Variants in USP19 observed in about 807,000 individuals in gnomAD.
The protein encoded by USP19 is ubiquitin carboxyl-terminal hydrolase 19.
A neutral mutation model predicts 144.8 loss-of-function variants in USP19; 40 were observed. The ratio of observed to expected loss-of-function variants is 0.28; its 90% confidence interval spans 0.21 to 0.36. USP19 has a LOEUF of 0.36. Ranked by LOEUF, USP19 falls within the 10% of genes least tolerant of loss-of-function variation. The pLI is 1.00. For synonymous variants in USP19, 701 were observed against 709.3 expected (o/e 0.99, Z 0.19); for missense variants, 1,518 against 1,822.5 (o/e 0.83, Z 3.04).
chr3:49,110,048 A>C lies in USP19; in HGVS notation c.4038+136T>G, dbSNP rs2042906202. ...TGCCTCTGGCTAAAGCTTTGATGTT[A>C]AGAGAACTCTGCAATTCTCATGAAT... On this transcript the variant is annotated intron_variant, in intron 26 of 26. Transcript: ENST00000417901. The surrounding 1 kb of genome is among the most constrained non-coding windows in gnomAD (Gnocchi z 6.1). 2.8e-6 allele frequency: 3 copies of C among 1,081,878 alleles called. No homozygotes were observed. In the African/African-American group the frequency reaches 4.8e-5, roughly 17 times the overall value. The allele number at this position is 1,081,878 out of a possible 1,614,324, so 67.0% of individuals were successfully genotyped here. A position where few individuals can be genotyped will look rare whatever the true frequency, so the allele number is the denominator to read the frequency against.
chr3:49,113,995 C>T lies in USP19; in HGVS notation c.2502G>A (p.Ala834=), dbSNP rs58998762. The T allele has an allele frequency of 9.8e-3, 15,887 of 1,614,030 alleles. 1,334 individuals are homozygous for T. In the African/African-American group the frequency reaches 0.19, roughly 19 times the overall value. ...GCCCAAGGAAGGACAAAGATACCTC[C>T]GCCAAACGCAGGTTCTCAGGCTTCA... ...VHVKPENLRL[A]EVIKNRFHRV... The change falls in exon 17 of 27, where the codon GCG becomes GCA. Residue 834 remains alanine, a synonymous_variant. Coordinates refer to ENST00000417901, the MANE Select transcript of USP19 (RefSeq NM_001199161.2).
chr3:49,114,779 C>T lies in USP19; in HGVS notation c.2276G>A (p.Cys759Tyr). The T allele has an allele frequency of 6.2e-7, 1 of 1,614,206 alleles. No homozygotes were observed. The change falls in exon 15 of 27, where the codon TGC (cysteine) becomes TAC (tyrosine). Residue 759 changes from cysteine to tyrosine, a missense_variant. By Grantham distance (194) the Cys-to-Tyr change is radical (BLOSUM62 -2). This residue lies in a region of USP19 where 158 missense variants were observed against 277.3 expected (regional missense o/e 0.57). Coordinates refer to ENST00000417901, the MANE Select transcript of USP19 (RefSeq NM_001199161.2). The surrounding 1 kb of genome is among the most constrained non-coding windows in gnomAD (Gnocchi z 4.5). ...CCATCACACCTTGGCACACACAGGG[C>T]ACACCAGCTTCGACTTGTACTGCCC... ...FQGQYKSKLVCPVCAKVSITF... is the reference protein window; with the variant it reads ...FQGQYKSKLVYPVCAKVSITF...
chr3:49,110,666 C>T lies in USP19; in HGVS notation c.3698+45G>A. The T allele has an allele frequency of 6.2e-7, 1 of 1,611,530 alleles. No individual in the cohort carries two copies. Among genetic ancestry groups the T allele is most frequent in the East Asian group, 2.2e-5 (1 of 44,854 alleles). ...GCAACAGGCGCTCAGGATGCCCATC[C>T]TGGTCCTCACACCCCACCCACAGTT... On this transcript the variant is annotated intron_variant, in intron 24 of 26. Transcript: ENST00000417901. This position sits in a 1 kb window ranked among gnomAD's most constrained non-coding sequence, Gnocchi z 6.1.
In USP19 at chr3:49,109,926, C is replaced by T. The variant is rs148788861; in HGVS notation, c.4038+258G>A. Reference sequence around the variant, plus strand: ...GCATAGTGCCCAGTGAGGTTCAGAGCAGTTGCCTGACCTGTGCCAAGTAGG... The same window carrying T: ...GCATAGTGCCCAGTGAGGTTCAGAGTAGTTGCCTGACCTGTGCCAAGTAGG... On this transcript the variant is annotated intron_variant, in intron 26 of 26. Transcript: ENST00000417901. 253 of 350,364 alleles carry T rather than the reference C, an allele frequency of 7.2e-4. 5 individuals carry two copies. In the East Asian group the frequency reaches 0.012, roughly 16 times the overall value. The allele number at this position is 350,364 out of a possible 1,614,324, so 21.7% of individuals were successfully genotyped here. A position where few individuals can be genotyped will look rare whatever the true frequency, so the allele number is the denominator to read the frequency against.
Position 49,116,669 on chromosome 3 carries a change from TC to T in USP19, c.1126+57del. On this transcript the variant is annotated intron_variant, in intron 7 of 26. Coordinates refer to ENST00000417901, the MANE Select transcript of USP19 (RefSeq NM_001199161.2). This position sits in a 1 kb window ranked among gnomAD's most constrained non-coding sequence, Gnocchi z 5.0. The stretch of plus-strand genomic sequence containing the variant: ...GGTTCCAGCCTATTGCTACTCTCTA[TC>T]CACCTACAAACTTTGCAACCCAACC... The T allele has an allele frequency of 6.2e-7, 1 of 1,610,106 alleles. No homozygotes were observed. Among genetic ancestry groups the T allele is most frequent in the South Asian group, 1.1e-5 (1 of 90,644 alleles).
In USP19 at chr3:49,114,163, T is replaced by G; in HGVS notation, c.2403+11A>C. 6.2e-7 allele frequency: 1 copy of G among 1,614,106 alleles called. No homozygotes were observed. Among genetic ancestry groups the G allele is most frequent in the Non-Finnish European group, 8.5e-7 (1 of 1,179,964 alleles). On this transcript the variant is annotated intron_variant, in intron 16 of 26. Transcript: ENST00000417901. This position sits in a 1 kb window ranked among gnomAD's most constrained non-coding sequence, Gnocchi z 4.5. ...CTAGAACAGCCCAGAGGGTAGGGGCTTACTCCTCACCTTGATGGGCTTGCT... is the reference window on the plus strand; with the variant it reads ...CTAGAACAGCCCAGAGGGTAGGGGCGTACTCCTCACCTTGATGGGCTTGCT...
chr3:49,115,927 T>G lies in USP19; in HGVS notation c.1489A>C (p.Lys497Gln). 1.9e-6 allele frequency: 3 copies of G among 1,560,314 alleles called. No individual in the cohort carries two copies. The highest frequency in any genetic ancestry group is 2.6e-6 in the Non-Finnish European group (3 of 1,154,726). The change falls in exon 11 of 27, where the codon AAG becomes CAG. Residue 497 changes from lysine to glutamine, a missense_variant. Physicochemically the swap from Lys to Gln is moderately conservative, Grantham distance 53 (BLOSUM62 1). This residue lies in a region of USP19 where 707 missense variants were observed against 728.9 expected (regional missense o/e 0.97). Coordinates refer to ENST00000417901, the MANE Select transcript of USP19 (RefSeq NM_001199161.2). This position sits in a 1 kb window ranked among gnomAD's most constrained non-coding sequence, Gnocchi z 6.6. ...GTTGGACCTGTCGGCACGGCAACCTTTGCACCACCCACTGCACCTTAAAAA... is the reference window on the plus strand; with the variant it reads ...GTTGGACCTGTCGGCACGGCAACCTGTGCACCACCCACTGCACCTTAAAAA... Reference protein sequence around the residue: ...PAARGAVGGAKVAVPTGPTPL... With the variant: ...PAARGAVGGAQVAVPTGPTPL...
chr3:49,119,466 T>C (rs1201357647), intron 1 of USP19, among the ~76,000 whole-genome samples, 185 bp from the exon 2 acceptor site: 2 of 152,238 alleles, frequency 1.3e-5, no homozygotes, highest in Non-Finnish European at 2.9e-5. Flanking sequence ...CAACCACTTC[T>C]GGCCAAGCCT....
At chr3:49,118,972 A>C (rs377079776) in intron 2 of USP19, 50 bp downstream of exon 2, 1 of 1,612,352 alleles carries the variant, frequency 6.2e-7, no homozygotes, top group African/African-American at 1.3e-5. Flanking sequence ...GTATACCAAT[A>C]AGATGGGAGG....
chr3:49,111,690 G>C lies in USP19; in HGVS notation c.3027C>G (p.Asp1009Glu). ...GCTGGAGCTCAGGTGGCTGAATGGG[G>C]TCTCTCTCGCTGTCCCCAGCCTCCA... ...GSLEAGDSERDPIQPPELQLV... is the reference protein window; with the variant it reads ...GSLEAGDSEREPIQPPELQLV... Residue 1009 changes from aspartate (D) to glutamate (E), a missense_variant, in exon 21 of 27, where the codon GAC becomes GAG. Transcript: ENST00000417901. This position sits in a 1 kb window ranked among gnomAD's most constrained non-coding sequence, Gnocchi z 5.9. The C allele has an allele frequency of 6.3e-7, 1 of 1,599,152 alleles. No homozygotes were observed.
rs773543643 is a variant in USP19 at position 49,112,353 on chromosome 3, C to T, written c.2696G>A (p.Arg899Gln). 26 of 1,613,864 alleles carry T rather than the reference C, an allele frequency of 1.6e-5. No homozygotes were observed. The highest frequency in any genetic ancestry group is 2.1e-5 in the Non-Finnish European group (25 of 1,179,966). Residue 899 changes from arginine to glutamine, a missense_variant, in exon 19 of 27, where the codon CGG becomes CAG. Coordinates refer to ENST00000417901, the MANE Select transcript of USP19 (RefSeq NM_001199161.2). The surrounding 1 kb of genome is among the most constrained non-coding windows in gnomAD (Gnocchi z 4.9). ...CTTTTCATCCTCCGACTGTTGCTTC[C>T]GCTGGCAGGCTGCACACTTGGAGAT... is the stretch of plus-strand genomic sequence containing the variant. ...VPISKCAACQ[R>Q]KQQSEDEKLK...
chr3:49,118,940 G>C (rs2044664475), intron 2 of USP19, 82 bp downstream of exon 2: 1 of 1,585,596 alleles, frequency 6.3e-7, no homozygotes, highest in Non-Finnish European at 8.6e-7. Flanking sequence ...GAACAAGAAA[G>C]TCATCTCCCA....
Position 49,114,789 on chromosome 3 carries a change from T to C in USP19, c.2266A>G (p.Lys756Glu). 6.2e-7 allele frequency: 1 copy of C among 1,614,174 alleles called. No individual in the cohort carries two copies. The highest frequency in any genetic ancestry group is 8.5e-7 in the Non-Finnish European group (1 of 1,180,032). Reference sequence around the variant, plus strand: ...TTGGCACACACAGGGCACACCAGCTTCGACTTGTACTGCCCCTGAAATAGG... The same window carrying C: ...TTGGCACACACAGGGCACACCAGCTCCGACTTGTACTGCCCCTGAAATAGG... ...VDLFQGQYKS[K>E]LVCPVCAKVS... Residue 756 changes from lysine to glutamate, a missense_variant, in exon 15 of 27, where the codon AAG (lysine) becomes GAG (glutamate). Physicochemically the swap from Lys to Glu is moderately conservative, Grantham distance 56. Transcript: ENST00000417901. The surrounding 1 kb of genome is among the most constrained non-coding windows in gnomAD (Gnocchi z 4.5).
Position 49,116,605 on chromosome 3 carries a change from G to A in USP19, c.1129C>T (p.Pro377Ser), listed in dbSNP as rs750688203. Residue 377 changes from proline to serine, a missense_variant and splice_region_variant, in exon 8 of 27, where the codon CCC (proline) becomes TCC (serine). Transcript: ENST00000417901. The surrounding 1 kb of genome is among the most constrained non-coding windows in gnomAD (Gnocchi z 5.0). ...AACGCCAGGTTCACCATCGACTCGGGCTCTATATTGAGACCATGGCTCAGC... is the reference window on the plus strand; with the variant it reads ...AACGCCAGGTTCACCATCGACTCGGACTCTATATTGAGACCATGGCTCAGC... ...AADAATLVDE[P>S]ESMVNLAFVK... 2 of 1,614,092 alleles carry A rather than the reference G, an allele frequency of 1.2e-6. No homozygotes were observed. Among genetic ancestry groups the A allele is most frequent in the South Asian group, 1.1e-5 (1 of 91,076 alleles).
In USP19 at chr3:49,117,469, T is replaced by C; in HGVS notation, c.574A>G (p.Lys192Glu). 6.2e-7 allele frequency: 1 copy of C among 1,614,134 alleles called. No homozygotes were observed. Among genetic ancestry groups the C allele is most frequent in the South Asian group, 1.1e-5 (1 of 91,090 alleles). ...GAGGGCCACGTGAGCATAGGCACCTTTTTGGGCAGTGTCAGGTGCAGGAGA... is the reference window on the plus strand; with the variant it reads ...GAGGGCCACGTGAGCATAGGCACCTCTTTGGGCAGTGTCAGGTGCAGGAGA... The part of the protein sequence containing the change: ...GSLLHLTLPK[K>E]VPMLTWPSLL... The change falls in exon 5 of 27, where the codon AAG becomes GAG. Residue 192 changes from lysine (K) to glutamate (E), a missense_variant. Lys to Glu is a moderately conservative substitution (Grantham distance 56). Coordinates refer to ENST00000417901, the MANE Select transcript of USP19 (RefSeq NM_001199161.2). This position sits in a 1 kb window ranked among gnomAD's most constrained non-coding sequence, Gnocchi z 4.4.
Position 49,112,128 on chromosome 3 carries a change from G to A in USP19, c.2766-80C>T. The A allele has an allele frequency of 1.3e-6, 2 of 1,575,370 alleles. No individual in the cohort carries two copies. Among genetic ancestry groups the A allele is most frequent in the Non-Finnish European group, 1.7e-6 (2 of 1,159,140 alleles). On this transcript the variant is annotated intron_variant, in intron 19 of 26. Coordinates refer to ENST00000417901, the MANE Select transcript of USP19 (RefSeq NM_001199161.2). The surrounding 1 kb of genome is among the most constrained non-coding windows in gnomAD (Gnocchi z 4.9). Reference sequence around the variant, plus strand: ...ATACTGGGGGCTAGTCATAGTCCCTGGGAACTGGGTACGCCAGCCCTGCCT... The same window carrying A: ...ATACTGGGGGCTAGTCATAGTCCCTAGGAACTGGGTACGCCAGCCCTGCCT...
In USP19 at chr3:49,117,987, T is replaced by C. The variant is rs1025404020; in HGVS notation, c.258A>G (p.Ser86=). The change falls in exon 3 of 27, where the codon TCA becomes TCG. Residue 86 remains serine, a synonymous_variant. Transcript: ENST00000417901. The surrounding 1 kb of genome is among the most constrained non-coding windows in gnomAD (Gnocchi z 4.4). ...HRTRLFFPSS[S]GSASTPQEEQ... Reference sequence around the variant, plus strand: ...CCTCTTGAGGAGTGGATGCTGACCCTGACGATGAAGGAAAGAACAGCCGGG... The same window carrying C: ...CCTCTTGAGGAGTGGATGCTGACCCCGACGATGAAGGAAAGAACAGCCGGG... 11 of 1,609,346 alleles carry C rather than the reference T, an allele frequency of 6.8e-6. No homozygotes were observed. The Admixed American group carries it at 1.0e-4, about 15-fold the overall frequency.
chr3:49,117,967 TGAG>T lies in USP19; in HGVS notation c.275_277del (p.Pro92del), dbSNP rs753856942. ...CTGACCCTCTTTGGTCTGCTCCTCTTGAGGAGTGGATGCTGACCCTGACGATGA... is the reference window on the plus strand; with the variant it reads ...CTGACCCTCTTTGGTCTGCTCCTCTTGAGTGGATGCTGACCCTGACGATGA... On this transcript the variant is annotated inframe_deletion, in exon 3 of 27. Transcript: ENST00000417901. This position sits in a 1 kb window ranked among gnomAD's most constrained non-coding sequence, Gnocchi z 4.4. 5 of 1,612,454 alleles carry T rather than the reference TGAG, an allele frequency of 3.1e-6. No individual in the cohort carries two copies. The Admixed American group carries it at 6.7e-5, about 22-fold the overall frequency.
Position 49,115,064 on chromosome 3 carries a change from G to A in USP19, c.2076C>T (p.Ala692=). Reference sequence around the variant, plus strand: ...CCAGCAGGAAAGCCATGAACTCCTGGGCATCATGCTGTGCATAGCCTGTGA... The same window carrying A: ...CCAGCAGGAAAGCCATGAACTCCTGAGCATCATGCTGTGCATAGCCTGTGA... ...SQFTGYAQHD[A]QEFMAFLLDG... Residue 692 remains alanine (A), a synonymous_variant, in exon 14 of 27, where the codon GCC becomes GCT. Coordinates refer to ENST00000417901, the MANE Select transcript of USP19 (RefSeq NM_001199161.2). This position sits in a 1 kb window ranked among gnomAD's most constrained non-coding sequence, Gnocchi z 6.6. 1 of 1,614,160 alleles carries A rather than the reference G, an allele frequency of 6.2e-7. No homozygotes were observed. Among genetic ancestry groups the A allele is most frequent in the Non-Finnish European group, 8.5e-7 (1 of 1,180,020 alleles).
Sources: allele counts gnomAD v4.1 joint callset (sites outside exome capture counted in the v4.1 genomes callset), GRCh38; gene constraint gnomAD v4.1.1; regional missense constraint gnomAD v4.1.1; non-coding constraint Gnocchi (gnomAD v3.1); transcripts MANE v1.5; gene names NCBI Gene and HGNC (gene_info 2026-07-23, HGNC 2026-07-21).